LRTM3: variants seen among roughly 807,000 people sequenced by gnomAD.
LRTM3 encodes the protein leucine rich repeat transmembrane protein 3, also known as leucine-rich repeat transmembrane protein 3.
the LRTM3 span, chr13:102,749,749 A>T: frequency 1.3e-4 from 204 of 1,551,232 alleles, no homozygotes; most frequent in South Asian, 2.1e-4. Context: ...GGGCTTGACT[A>T]GTAAATTGGA....
At chr13:102,748,852 T>G in the LRTM3 span, 1 of 1,550,344 alleles carries the variant, frequency 6.5e-7, no homozygotes, top group African/African-American at 1.4e-5. Context: ...TGTTTTTTAG[T>G]CTTTTGTTTT....
the LRTM3 span, chr13:102,729,864 T>A: frequency 6.4e-7 from 1 of 1,551,956 alleles, no homozygotes; most frequent in Non-Finnish European, 8.7e-7. Context: ...GATCTGGCCT[T>A]CTTTCTTTCT....
the LRTM3 span, chr13:102,744,979 T>C: frequency 4.5e-6 from 7 of 1,550,848 alleles, no homozygotes; most frequent in Non-Finnish European, 6.1e-6. Flanking sequence ...CACCATTTAC[T>C]GAGTCCTCTG....
At chr13:102,746,991 T>C in the LRTM3 span, 1 of 1,551,248 alleles carries the variant, frequency 6.4e-7, no homozygotes, top group Non-Finnish European at 8.7e-7. Context: ...GGTTGATGCA[T>C]TTCTTTCTCT....
the LRTM3 span, chr13:102,732,075 G>A: frequency 2.6e-6 from 4 of 1,551,178 alleles, no homozygotes; most frequent in Non-Finnish European, 3.5e-6. Flanking sequence ...GCAAAGGGCT[G>A]GGGATCTTGT....
At chr13:102,741,830 G>C in the LRTM3 span, 2 of 1,550,238 alleles carry the variant, frequency 1.3e-6, no homozygotes, top group Non-Finnish European at 1.7e-6. Flanking sequence ...TTCTTCATCT[G>C]TTCTAATTCG....
the LRTM3 span, chr13:102,741,651 A>T: frequency 1.3e-6 from 2 of 1,550,540 alleles, no homozygotes; most frequent in East Asian, 4.9e-5. Context: ...TGCTCCTGGC[A>T]AGTCTTCTGT....
the LRTM3 span, chr13:102,747,437 T>C: frequency 6.5e-7 from 1 of 1,548,524 alleles, no homozygotes; most frequent in Non-Finnish European, 8.7e-7. Context: ...AATTACATAT[T>C]TGACACTGAG....
At chr13:102,748,684 A>G in the LRTM3 span, 1 of 1,550,138 alleles carries the variant, frequency 6.5e-7, no homozygotes. Context: ...TATTTAGAAC[A>G]TGAAATTCTG....
the LRTM3 span, chr13:102,739,470 C>T: frequency 6.4e-7 from 1 of 1,550,438 alleles, no homozygotes; most frequent in Non-Finnish European, 8.7e-7. Context: ...TTATCTTTAC[C>T]TGCTTTTGTT....
chr13:102,739,535 A>G, the LRTM3 span: 1 of 1,550,302 alleles, frequency 6.5e-7, no homozygotes, highest in Non-Finnish European at 8.7e-7. Context: ...CAAGTTTGTC[A>G]GTTTCATACT....
At chr13:102,758,899 C>T in the LRTM3 span, 3 of 1,544,654 alleles carry the variant, frequency 1.9e-6, no homozygotes, top group Admixed American at 2.0e-5. Context: ...CCACTCCCTA[C>T]CCCTTTTTTA....
the LRTM3 span, chr13:102,731,859 A>G: frequency 7.1e-6 from 11 of 1,549,422 alleles, no homozygotes; most frequent in East Asian, 2.7e-4. Context: ...ATAGATGGAC[A>G]CTCTGTGGGT....
chr13:102,742,565 G>T, the LRTM3 span: 3 of 1,550,530 alleles, frequency 1.9e-6, no homozygotes, highest in Non-Finnish European at 2.6e-6. Context: ...ATTTATCTTT[G>T]CTTCTTGATC....
chr13:102,755,929 G>GTA, the LRTM3 span, among the ~76,000 whole-genome samples: 4 of 89,214 alleles, frequency 4.5e-5, no homozygotes, highest in African/African-American at 2.0e-4. Context: ...GTGTGTGTGT[G>GTA]TGTATATATA....
At chr13:102,746,408 G>T in the LRTM3 span, 3 of 1,551,066 alleles carry the variant, frequency 1.9e-6, no homozygotes, top group Admixed American at 3.9e-5. Flanking sequence ...TAATTGAGAC[G>T]CAGGGAGACA....
At chr13:102,757,644 C>T in the LRTM3 span, among the ~76,000 whole-genome samples, 17 of 152,196 alleles carry the variant, frequency 1.1e-4, no homozygotes, top group South Asian at 4.1e-4. Context: ...CTGTCCTTTT[C>T]GGGCTAATGT....
chr13:102,754,947 C>A, the LRTM3 span, among the ~76,000 whole-genome samples: 2 of 152,160 alleles, frequency 1.3e-5, no homozygotes, highest in South Asian at 2.1e-4. Flanking sequence ...TGAAACCAAC[C>A]AGTCAGTGAC....
chr13:102,749,398 G>T, the LRTM3 span: 1 of 1,551,362 alleles, frequency 6.4e-7, no homozygotes, highest in Admixed American at 2.0e-5. Flanking sequence ...TATCTTCAGT[G>T]ACTAAATTTG....
Sources: allele counts gnomAD v4.1 joint callset (sites outside exome capture counted in the v4.1 genomes callset), GRCh38; gene constraint gnomAD v4.1.1; transcripts MANE v1.5; gene names NCBI Gene and HGNC (gene_info 2026-07-23, HGNC 2026-07-21).